The following RELN variants were observed in gnomAD, a reference collection of about 807,000 sequenced individuals.
The protein encoded by RELN is reelin.
RELN carries 108 observed loss-of-function variants against 427.6 expected under a neutral mutation model. The ratio of observed to expected loss-of-function variants is 0.25; its 90% CI spans 0.22 to 0.30. The LOEUF is 0.30. Ranked by LOEUF, RELN falls within the 10% of genes least tolerant of loss-of-function variation. The probability of loss-of-function intolerance (pLI) is 1.00; values close to 1 mark genes in which losing one functional copy is unlikely to be tolerated. For synonymous variants in RELN, 1,524 were observed against 1,513.4 expected (o/e 1.01, Z -0.16); for missense variants, 3,715 against 4,302.8 (o/e 0.86, Z 3.82).
At chr7:103,844,703 A>G (rs553578369) in intron 2 of RELN, among the ~76,000 whole-genome samples, 1 of 152,172 alleles carries the variant, frequency 6.6e-6, no homozygotes, top group Non-Finnish European at 1.5e-5. Context: ...TGTTATAGAT[A>G]GATAATAAGA....
chr7:103,759,349 C>T (rs1791238882), intron 4 of RELN, among the ~76,000 whole-genome samples: 1 of 152,086 alleles, frequency 6.6e-6, no homozygotes, highest in Non-Finnish European at 1.5e-5. Context: ...TATCACAAGG[C>T]TTGATTGAGC....
rs181320264 is a variant in RELN, at chr7:103,863,706, G to T, written c.338-30034C>A. 1.9e-3 allele frequency among the ~76,000 whole-genome samples: 293 copies of T among 152,168 alleles called. 4 individuals carry two copies. Among genetic ancestry groups the T allele is most frequent in the African/African-American group, 6.3e-3 (263 of 41,514 alleles). On this transcript the variant is annotated intron_variant, in intron 2 of 64. Coordinates refer to ENST00000428762, the MANE Select transcript of RELN (RefSeq NM_005045.4). ...ATTTCCTAACCTAAATCTCCTCTGA[G>T]ATTAGTAAAATGGACATTATTAGCC... is the stretch of plus-strand genomic sequence containing the variant.
intron 2 of RELN, among the ~76,000 whole-genome samples, chr7:103,913,481 C>G (rs1342887913): frequency 6.6e-6 from 1 of 152,116 alleles, no homozygotes; most frequent in Admixed American, 6.6e-5. Context: ...ATTATGTATT[C>G]AATAACTCTT....
Position 103,697,855 on chromosome 7 carries a change from T to G in RELN, c.1141A>C (p.Lys381Gln). ...NWLFFPGATVKHSCQSDGNSI... is the reference protein window; with the variant it reads ...NWLFFPGATVQHSCQSDGNSI... ...CAAAAACTAAAAAGAGCTCTAACCT[T>G]AACTGTAGCTCCTGGGAAGAAAAGC... The change falls in exon 10 of 65, where the codon AAG (lysine) becomes CAG (glutamine). Residue 381 changes from lysine to glutamine, a missense_variant and splice_region_variant. Lys to Gln is a moderately conservative substitution (Grantham distance 53). Around this residue, in one of 4 missense-constraint regions of RELN, gnomAD observed 2,208 missense variants for 2,361.7 expected, o/e 0.93. Coordinates refer to ENST00000428762, the MANE Select transcript of RELN (RefSeq NM_005045.4). The G allele has an allele frequency of 2.5e-6, 4 of 1,613,600 alleles. No homozygotes were observed. The highest frequency in any genetic ancestry group is 3.4e-6 in the Non-Finnish European group (4 of 1,179,706).
At chr7:103,630,204 A>T in intron 19 of RELN, 28 bp from the exon 20 acceptor site, 1 of 1,473,464 alleles carries the variant, frequency 6.8e-7, no homozygotes, top group Non-Finnish European at 9.5e-7. Context: ...GTCAAAATTT[A>T]GATTATTTTG....
At chr7:103,866,922 A>G (rs923162566) in intron 2 of RELN, among the ~76,000 whole-genome samples, 2 of 152,126 alleles carry the variant, frequency 1.3e-5, no homozygotes, top group African/African-American at 4.8e-5. Flanking sequence ...TTGTTAATTA[A>G]TTAGACAAGC....
At chr7:103,763,469 A>G (rs1431153751) in intron 4 of RELN, among the ~76,000 whole-genome samples, 3 of 152,230 alleles carry the variant, frequency 2.0e-5, no homozygotes, top group African/African-American at 7.2e-5. Flanking sequence ...AATGCATTAC[A>G]TACAATATGG....
chr7:103,490,953 T>TAA, intron 58 of RELN, 124 bp from the exon 59 acceptor site: 1 of 834,268 alleles, frequency 1.2e-6, no homozygotes, highest in Non-Finnish European at 1.9e-6. Context: ...CTGTTTTCTA[T>TAA]AAACATTTAT....
chr7:103,630,248 G>T, intron 19 of RELN, 72 bp from the exon 20 acceptor site: 3 of 1,014,788 alleles, frequency 3.0e-6, no homozygotes, highest in Admixed American at 1.7e-5. Flanking sequence ...TAGTGGGATA[G>T]ATTTCCCCTG....
chr7:103,885,114 C>T lies in RELN; in HGVS notation c.337+31961G>A, dbSNP rs375870745. Among the ~76,000 whole-genome samples the T allele has an allele frequency of 4.2e-3, 641 of 152,096 alleles. 3 individuals carry two copies. The highest frequency in any genetic ancestry group is 7.4e-3 in the African/African-American group (306 of 41,508). On this transcript the variant is annotated intron_variant, in intron 2 of 64. Coordinates refer to ENST00000428762, the MANE Select transcript of RELN (RefSeq NM_005045.4). ...AAGCACTTTGGGAGGCCGAGGCAGG[C>T]GGATTATGAGGTCAGGAGATCAAAA...
At chr7:103,478,276 ATTTTT>A in intron 64 of RELN, 108 bp downstream of exon 64, 1 of 573,472 alleles carries the variant, frequency 1.7e-6, no homozygotes, top group Non-Finnish European at 3.1e-6. Context: ...GTTTTCATAG[ATTTTT>A]TTTTTTTTTT....
rs540718797 is a variant in RELN, at chr7:103,503,612, T to C, written c.8275-382A>G. ...TAGCTAACAGCTTTACCAATTTTAC[T>C]ATTTTGTTGTACAATTTATGACTCT... On this transcript the variant is annotated intron_variant, in intron 51 of 64. Transcript: ENST00000428762. Among the ~76,000 whole-genome samples, 234 of 152,318 alleles carry C rather than the reference T, an allele frequency of 1.5e-3. 2 individuals are homozygous for C. Among genetic ancestry groups the C allele is most frequent in the African/African-American group, 5.5e-3 (229 of 41,574 alleles).
chr7:103,782,875 T>C lies in RELN; in HGVS notation c.474-6248A>G, dbSNP rs199573572. ...AATGCACTTTACCTCCAGGGGTGGG[T>C]TGCTTTTTCTATCTACTGCTTTGTT... On this transcript the variant is annotated intron_variant, in intron 3 of 64. Transcript: ENST00000428762. 8.5e-5 allele frequency among the ~76,000 whole-genome samples: 13 copies of C among 152,244 alleles called. No individual in the cohort carries two copies. In the East Asian group the frequency reaches 2.5e-3, roughly 29 times the overall value.
chr7:103,740,126 T>C (rs1790604823), intron 6 of RELN, among the ~76,000 whole-genome samples: 3 of 151,416 alleles, frequency 2.0e-5, no homozygotes, highest in Admixed American at 2.0e-4. Context: ...GACACTTAGC[T>C]CAAAAACAAA....
intron 2 of RELN, among the ~76,000 whole-genome samples, chr7:103,848,136 T>C (rs1793725470): frequency 6.6e-6 from 1 of 152,072 alleles, no homozygotes; most frequent in Non-Finnish European, 1.5e-5. Flanking sequence ...CTTTCTGGAG[T>C]TAGACAAGGG....
At position 103,728,105 on chromosome 7, in the gene RELN, A is replaced by G; in HGVS notation, c.753+6T>C. The G allele has an allele frequency of 6.2e-7, 1 of 1,613,328 alleles. No homozygotes were observed. On this transcript the variant is annotated splice_donor_region_variant and intron_variant, in intron 7 of 64. Coordinates refer to ENST00000428762, the MANE Select transcript of RELN (RefSeq NM_005045.4). ...GGAATAATGTACATGAATAGCACAT[A>G]CTTACCAGTTCTCGTGGGCCATATG... is the stretch of plus-strand genomic sequence containing the variant.
intron 2 of RELN, among the ~76,000 whole-genome samples, chr7:103,866,102 G>GC (rs1794191028): frequency 6.6e-6 from 1 of 151,994 alleles, no homozygotes; most frequent in Non-Finnish European, 1.5e-5. Flanking sequence ...AAAATGATTT[G>GC]CAAGCTGACA....
chr7:103,687,878 T>A (rs1833795643), intron 10 of RELN, among the ~76,000 whole-genome samples: 1 of 152,170 alleles, frequency 6.6e-6, no homozygotes, highest in Admixed American at 6.6e-5. Flanking sequence ...TTGCCACTCT[T>A]GTCATGGCGA....
chr7:103,736,298 A>AC (rs1189904893), intron 6 of RELN, among the ~76,000 whole-genome samples: 1 of 152,206 alleles, frequency 6.6e-6, no homozygotes, highest in African/African-American at 2.4e-5. Flanking sequence ...TAAGCAATTT[A>AC]CATGATCATT....
Sources: gnomAD v4.1 joint callset for allele counts (sites outside exome capture counted in the v4.1 genomes callset) on GRCh38, gnomAD v4.1.1 for gene constraint, gnomAD v4.1.1 regional missense constraint, MANE v1.5 for transcripts, NCBI Gene and HGNC (gene_info 2026-07-23, HGNC 2026-07-21) for gene names.